The following STAG1 variants were observed in gnomAD, a reference collection of about 807,000 sequenced individuals.
STAG1 encodes the protein cohesin subunit SA-1.
A neutral mutation model predicts 170.9 loss-of-function variants in STAG1; 26 were observed. The observed-to-expected ratio is 0.15, with a 90% confidence interval of 0.11 to 0.21. The LOEUF (loss-of-function observed/expected upper bound fraction) is 0.21. Ranked by LOEUF, STAG1 falls within the 10% of genes least tolerant of loss-of-function variation. The pLI, the probability that STAG1 is intolerant of heterozygous loss-of-function variation, is 1.00. For missense variants in STAG1, 964 were observed against 1,509.5 expected, an observed-to-expected ratio of 0.64 and a Z score of 5.99; for synonymous variants, 514 against 497.7, an observed-to-expected ratio of 1.03 and a Z score of -0.44.
At chr3:136,598,841 G>T (rs903640360) in intron 4 of STAG1, among the ~76,000 whole-genome samples, 1 of 152,066 alleles carries the variant, frequency 6.6e-6, no homozygotes, top group African/African-American at 2.4e-5. Context: ...TAAAGAAAAC[G>T]ATCAGACATT....
chr3:136,395,908 A>G (rs181010640), intron 22 of STAG1, among the ~76,000 whole-genome samples: 1 of 152,300 alleles, frequency 6.6e-6, no homozygotes, highest in Admixed American at 6.5e-5. Context: ...TATATTAAAT[A>G]ACATTTCAAA....
chr3:136,588,055 A>T (rs978040315), intron 4 of STAG1, among the ~76,000 whole-genome samples: 1 of 152,220 alleles, frequency 6.6e-6, no homozygotes, highest in Non-Finnish European at 1.5e-5. Context: ...AAAATTTAGA[A>T]ATTTGTCAAA....
intron 13 of STAG1, among the ~76,000 whole-genome samples, chr3:136,457,639 G>A (rs2089155337): frequency 1.3e-5 from 2 of 152,122 alleles, no homozygotes; most frequent in African/African-American, 4.8e-5. Context: ...ACGGCCTGCT[G>A]TTGGGTCTGA....
intron 23 of STAG1, among the ~76,000 whole-genome samples, chr3:136,370,796 T>C (rs1937291104): frequency 1.3e-5 from 2 of 152,352 alleles, no homozygotes; most frequent in Middle Eastern, 3.4e-3. Context: ...GTCTTTGCTA[T>C]TGTGAATAGT....
At chr3:136,644,966 G>A (rs937696849) in intron 1 of STAG1, among the ~76,000 whole-genome samples, 3 of 152,068 alleles carry the variant, frequency 2.0e-5, no homozygotes, top group Admixed American at 1.3e-4. Context: ...CTGAATTCAA[G>A]CAATCCTCCT....
At position 136,610,578 on chromosome 3, in the gene STAG1, C is replaced by A. The variant is rs1939225813; in HGVS notation, c.133-6105G>T. On this transcript the variant is annotated intron_variant, in intron 3 of 33. Transcript: ENST00000383202. ...TGAAGATACTGGTACTTGATAGACT[C>A]AAGGAAAATTTGCCTCCAAATTTTA... Among the ~76,000 whole-genome samples the A allele has an allele frequency of 1.3e-5, 2 of 152,040 alleles. 1 individual carries two copies. The highest frequency in any genetic ancestry group is 4.1e-4 in the South Asian group (2 of 4,830).
At chr3:136,563,843 A>T (rs192277341) in intron 5 of STAG1, among the ~76,000 whole-genome samples, 94 of 152,016 alleles carry the variant, frequency 6.2e-4, no homozygotes, top group African/African-American at 2.2e-3. Context: ...ACACGGTGAA[A>T]CCCCATCTCT....
At chr3:136,713,475 C>A (rs963112771) in intron 1 of STAG1, among the ~76,000 whole-genome samples, 2 of 151,420 alleles carry the variant, frequency 1.3e-5, no homozygotes, top group Non-Finnish European at 2.9e-5. Context: ...CCCAGCTACT[C>A]GGGAGGCTGA....
intron 1 of STAG1, among the ~76,000 whole-genome samples, chr3:136,679,654 A>G (rs751196665): frequency 2.7e-5 from 4 of 150,646 alleles, no homozygotes; most frequent in Non-Finnish European, 4.4e-5. Flanking sequence ...GCATGAACCC[A>G]CAAGGCGGAG....
At chr3:136,341,098 C>T (rs1576370428) in intron 31 of STAG1, among the ~76,000 whole-genome samples, 3 of 152,162 alleles carry the variant, frequency 2.0e-5, no homozygotes, top group Non-Finnish European at 4.4e-5. Flanking sequence ...TTAGTAGAGA[C>T]GGGGTTTCAC....
chr3:136,577,884 G>A (rs1937512941), intron 4 of STAG1, among the ~76,000 whole-genome samples: 1 of 152,224 alleles, frequency 6.6e-6, no homozygotes, highest in South Asian at 2.1e-4. Context: ...TCATACATTA[G>A]TTCCTGTCGC....
At chr3:136,478,576 G>A (rs1361974458) in intron 9 of STAG1, among the ~76,000 whole-genome samples, 1 of 152,044 alleles carries the variant, frequency 6.6e-6, no homozygotes, top group Non-Finnish European at 1.5e-5. Flanking sequence ...ATTTACAAAA[G>A]GCAATAATCT....
At chr3:136,395,444 G>A (rs1037149372) in intron 22 of STAG1, among the ~76,000 whole-genome samples, 1 of 152,050 alleles carries the variant, frequency 6.6e-6, no homozygotes, top group Non-Finnish European at 1.5e-5. Context: ...CCAACGTGGT[G>A]AAACCCAGTC....
At chr3:136,751,374 G>A (rs866596756) in intron 1 of STAG1, among the ~76,000 whole-genome samples, 2 of 152,088 alleles carry the variant, frequency 1.3e-5, no homozygotes, top group South Asian at 4.1e-4. Flanking sequence ...TTCGGACCCT[G>A]CAAACGGGGC....
intron 22 of STAG1, 125 bp from the exon 23 acceptor site, chr3:136,377,877 A>G: frequency 2.8e-6 from 2 of 723,956 alleles, no homozygotes; most frequent in Non-Finnish European, 4.7e-6. Context: ...AACCAAATTT[A>G]ATGTTGGGAA....
At chr3:136,484,155 C>G (rs1406338158) in intron 9 of STAG1, among the ~76,000 whole-genome samples, 2 of 147,944 alleles carry the variant, frequency 1.4e-5, no homozygotes, top group African/African-American at 5.0e-5. Flanking sequence ...GAGAGGCGCT[C>G]TGCGTTTTAG....
At chr3:136,606,975 C>T (rs1457859461) in intron 3 of STAG1, among the ~76,000 whole-genome samples, 1 of 152,044 alleles carries the variant, frequency 6.6e-6, no homozygotes, top group Non-Finnish European at 1.5e-5. Flanking sequence ...TGGTCTTGAT[C>T]TCCTGACCTC....
At chr3:136,675,060 T>G (rs1352998985) in intron 1 of STAG1, among the ~76,000 whole-genome samples, 1 of 152,228 alleles carries the variant, frequency 6.6e-6, no homozygotes, top group Non-Finnish European at 1.5e-5. Flanking sequence ...GGTTTCATAA[T>G]TGTAACCAAC....
At chr3:136,715,344 G>A (rs956236820) in intron 1 of STAG1, among the ~76,000 whole-genome samples, 1 of 151,544 alleles carries the variant, frequency 6.6e-6, no homozygotes, top group African/African-American at 2.4e-5. Flanking sequence ...ATTTAGGCCC[G>A]GTGCAGTGGC....
Sources: allele counts gnomAD v4.1 joint callset (sites outside exome capture counted in the v4.1 genomes callset), GRCh38; gene constraint gnomAD v4.1.1; transcripts MANE v1.5; gene names NCBI Gene and HGNC (gene_info 2026-07-23, HGNC 2026-07-21).